The following PLCXD3 variants were observed in gnomAD, a reference collection of about 807,000 sequenced individuals.
PLCXD3 encodes the protein phosphatidylinositol specific phospholipase C X domain containing 3, also known as PI-PLC X domain-containing protein 3.
In PLCXD3, 19 loss-of-function variants were observed where a neutral mutation model predicts 25.5. The observed-to-expected ratio is 0.75, with a 90% CI of 0.52 to 1.09. The LOEUF (loss-of-function observed/expected upper bound fraction) is 1.09. Ranked by LOEUF, PLCXD3 falls within the 50% of genes least tolerant of loss-of-function variation. The pLI is 0.00. For synonymous variants in PLCXD3, 174 were observed against 137.6 expected, an observed-to-expected ratio of 1.26 and a Z score of -1.85; for missense variants, 411 against 388.1, an observed-to-expected ratio of 1.06 and a Z score of -0.50.
At chr5:41,380,145 A>C (rs2150492051) in intron 2 of PLCXD3, among the ~76,000 whole-genome samples, 1 of 151,816 alleles carries the variant, frequency 6.6e-6, no homozygotes, top group East Asian at 2.0e-4. Context: ...TGAATGCCTT[A>C]CTCATGCTTT....
chr5:41,428,452 A>G (rs1188396401), intron 1 of PLCXD3, among the ~76,000 whole-genome samples: 1 of 149,812 alleles, frequency 6.7e-6, no homozygotes, highest in African/African-American at 2.4e-5. Flanking sequence ...AAATTTGGAC[A>G]CAAAAAGAGA....
At chr5:41,425,174 T>C (rs1746925793) in intron 1 of PLCXD3, among the ~76,000 whole-genome samples, 1 of 152,306 alleles carries the variant, frequency 6.6e-6, no homozygotes. Context: ...GATATTAATA[T>C]AACCACACCA....
chr5:41,311,102 A>G lies in PLCXD3; in HGVS notation c.*2515T>C, dbSNP rs1231810425. The G allele has an allele frequency of 6.6e-6, 1 of 152,184 alleles. No homozygotes were observed. The highest frequency in any genetic ancestry group is 1.9e-4 in the East Asian group (1 of 5,192). 9.4% of individuals were successfully genotyped at this position (152,184 alleles called of 1,614,324 possible). On this transcript the variant is annotated 3_prime_UTR_variant, in exon 3 of 3. Coordinates refer to ENST00000377801, the MANE Select transcript of PLCXD3 (RefSeq NM_001005473.3). ...TGATGAAAAATCTGTTTTCCATTAT[A>G]TTTATAAAATTAAATTCATGTGTCA... is the stretch of plus-strand genomic sequence containing the variant.
At chr5:41,322,267 G>T (rs1222303942) in intron 2 of PLCXD3, among the ~76,000 whole-genome samples, 1 of 152,186 alleles carries the variant, frequency 6.6e-6, no homozygotes, top group Non-Finnish European at 1.5e-5. Context: ...ATGGGCAAAA[G>T]ATTTGAACAG....
intron 2 of PLCXD3, among the ~76,000 whole-genome samples, chr5:41,375,114 A>T (rs1461560042): frequency 6.6e-6 from 1 of 151,992 alleles, no homozygotes; most frequent in Non-Finnish European, 1.5e-5. Flanking sequence ...AGAGAAAAAA[A>T]AGAGTCCGTT....
At chr5:41,398,981 C>T (rs775515772) in intron 1 of PLCXD3, among the ~76,000 whole-genome samples, 5 of 152,044 alleles carry the variant, frequency 3.3e-5, no homozygotes, top group African/African-American at 9.7e-5. Flanking sequence ...ACTATTAGAA[C>T]TTATAAACAA....
chr5:41,326,522 T>G (rs530869345), intron 2 of PLCXD3, among the ~76,000 whole-genome samples: 48 of 152,296 alleles, frequency 3.2e-4, no homozygotes, highest in African/African-American at 1.0e-3. Flanking sequence ...CCTGTTCATT[T>G]GTTCTCCAGT....
At chr5:41,372,819 G>A (rs1745143900) in intron 2 of PLCXD3, among the ~76,000 whole-genome samples, 1 of 152,046 alleles carries the variant, frequency 6.6e-6, no homozygotes, top group South Asian at 2.1e-4. Flanking sequence ...TGAGGCAGGA[G>A]GATCACTTGA....
In PLCXD3 at chr5:41,309,736, T is replaced by C. The variant is rs1022203829; in HGVS notation, c.*3881A>G. On this transcript the variant is annotated 3_prime_UTR_variant, in exon 3 of 3. Transcript: ENST00000377801. ...GATGTGTGTATGTGTTTGTAATTTA[T>C]ATTCTAGTCCATTATGGATTCTCTA... 3.1e-4 allele frequency: 47 copies of C among 152,282 alleles called. No homozygotes were observed. The highest frequency in any genetic ancestry group is 9.9e-4 in the African/African-American group (41 of 41,562). The allele number at this position is 152,282 out of a possible 1,614,324, so 9.4% of individuals were successfully genotyped here. A position where few individuals can be genotyped will look rare whatever the true frequency, so the allele number is the denominator to read the frequency against.
At chr5:41,489,172 T>A (rs1748591373) in intron 1 of PLCXD3, among the ~76,000 whole-genome samples, 1 of 151,950 alleles carries the variant, frequency 6.6e-6, no homozygotes, top group Non-Finnish European at 1.5e-5. Context: ...CCCAGCACCA[T>A]TTATTAAATA....
intron 1 of PLCXD3, among the ~76,000 whole-genome samples, chr5:41,458,241 A>C (rs1747800135): frequency 6.6e-6 from 1 of 151,900 alleles, no homozygotes; most frequent in Admixed American, 6.6e-5. Flanking sequence ...AAATACCTGA[A>C]GCTTTAGGGA....
At chr5:41,446,190 A>AAAAAAAAAAAAC (rs1747496869) in intron 1 of PLCXD3, among the ~76,000 whole-genome samples, 1 of 148,344 alleles carries the variant, frequency 6.7e-6, no homozygotes. Context: ...AAAAAAAAAA[A>AAAAAAAAAAAAC]AAAAAAAAAA....
At chr5:41,434,261 T>TGACC (rs1747183554) in intron 1 of PLCXD3, among the ~76,000 whole-genome samples, 1 of 152,250 alleles carries the variant, frequency 6.6e-6, no homozygotes, top group African/African-American at 2.4e-5. Flanking sequence ...CCAAGTCACT[T>TGACC]GACCTCTCAT....
chr5:41,438,211 C>T (rs1747300440), intron 1 of PLCXD3, among the ~76,000 whole-genome samples: 1 of 152,150 alleles, frequency 6.6e-6, no homozygotes, highest in Admixed American at 6.5e-5. Context: ...TTAAATTGCT[C>T]ACTTTTAAGT....
At chr5:41,500,512 T>C (rs948247591) in intron 1 of PLCXD3, among the ~76,000 whole-genome samples, 2 of 151,776 alleles carry the variant, frequency 1.3e-5, no homozygotes, top group Non-Finnish European at 3.0e-5. Flanking sequence ...AAAGCCTGAC[T>C]TGACTATTAT....
intron 1 of PLCXD3, among the ~76,000 whole-genome samples, chr5:41,464,739 A>G (rs72758321): frequency 0.03 from 4,533 of 152,128 alleles, 117 homozygotes; most frequent in Non-Finnish European, 0.047. Context: ...CTCATTAAAT[A>G]CTGTTATATA....
intron 2 of PLCXD3, among the ~76,000 whole-genome samples, chr5:41,354,197 A>T (rs1345809644): frequency 6.6e-6 from 1 of 152,042 alleles, no homozygotes; most frequent in East Asian, 1.9e-4. Context: ...GATATTTACA[A>T]CCTCCCAAAC....
intron 2 of PLCXD3, among the ~76,000 whole-genome samples, chr5:41,378,328 G>A (rs1034261972): frequency 2.3e-3 from 352 of 152,182 alleles, no homozygotes; most frequent in African/African-American, 8.1e-3. Context: ...TAAAAAGGAA[G>A]TCTTTCTAGT....
intron 1 of PLCXD3, among the ~76,000 whole-genome samples, chr5:41,482,682 T>C (rs543400722): frequency 6.6e-6 from 1 of 152,222 alleles, no homozygotes; most frequent in East Asian, 1.9e-4. Context: ...CCTCAGAAAA[T>C]TAGGAACACT....
Sources: gnomAD v4.1 joint callset for allele counts (sites outside exome capture counted in the v4.1 genomes callset) on GRCh38, gnomAD v4.1.1 for gene constraint, MANE v1.5 for transcripts, NCBI Gene and HGNC (gene_info 2026-07-23, HGNC 2026-07-21) for gene names.